Variants in RNF168 observed in about 807,000 individuals in gnomAD.
The protein encoded by RNF168 is E3 ubiquitin-protein ligase RNF168.
A neutral mutation model predicts 34.9 loss-of-function variants in RNF168; 34 were observed. That is an observed-to-expected ratio of 0.97 (90% CI 0.74 to 1.30). The LOEUF (loss-of-function observed/expected upper bound fraction) is 1.30. Among genes scored for constraint, RNF168 ranks in the 50% most tolerant of loss-of-function variants. The pLI is 0.00. For synonymous variants in RNF168, 264 were observed against 254.7 expected (o/e 1.04, Z -0.35); for missense variants, 725 against 682.5 (o/e 1.06, Z -0.69).
chr3:196,472,827 A>G, intron 5 of RNF168, 55 bp from the exon 6 acceptor site: 1 of 1,046,444 alleles, frequency 9.6e-7, no homozygotes, highest in East Asian at 2.4e-5. Context: ...AAATCATAAG[A>G]TGTAAGTCTA....
chr3:196,493,986 G>A (rs1732675181), intron 1 of RNF168, among the ~76,000 whole-genome samples: 1 of 150,906 alleles, frequency 6.6e-6, no homozygotes, highest in Non-Finnish European at 1.5e-5. Context: ...CCATGTAGCT[G>A]AGACTACAGG....
rs186549498 is a variant in RNF168 at position 196,484,425 on chromosome 3, C to T, written c.559-534G>A. 3.5e-3 allele frequency among the ~76,000 whole-genome samples: 527 copies of T among 150,178 alleles called. 5 individuals are homozygous for T. The highest frequency in any genetic ancestry group is 0.012 in the African/African-American group (488 of 40,866). On this transcript the variant is annotated intron_variant, in intron 3 of 5. Coordinates refer to ENST00000318037, the MANE Select transcript of RNF168 (RefSeq NM_152617.4). ...TCCTGACCTCATGATCTGCCTGCCT[C>T]GGCCTCCCAAAGTGCTGGGATTACA...
intron 2 of RNF168, among the ~76,000 whole-genome samples, chr3:196,487,898 A>G (rs193183754): frequency 9.5e-4 from 144 of 152,336 alleles, no homozygotes; most frequent in Admixed American, 2.7e-3. Context: ...TAATTAAAAC[A>G]TAATGCTTCA....
chr3:196,470,703 T>C lies in RNF168; in HGVS notation c.*1116A>G, dbSNP rs1458977311. 1 of 153,242 alleles carries C rather than the reference T, an allele frequency of 6.5e-6. No individual in the cohort carries two copies. The highest frequency in any genetic ancestry group is 1.9e-4 in the East Asian group (1 of 5,196). 9.5% of individuals were successfully genotyped at this position (153,242 alleles called of 1,614,324 possible). ...CTGTCAGTCACCCCATCCAGCCTCA[T>C]CTGGACCAGTTTCCGACGACCCAAT... On this transcript the variant is annotated 3_prime_UTR_variant, in exon 6 of 6. Transcript: ENST00000318037.
At chr3:196,493,788 C>T (rs1453415496) in intron 1 of RNF168, among the ~76,000 whole-genome samples, 2 of 151,752 alleles carry the variant, frequency 1.3e-5, no homozygotes, top group African/African-American at 4.8e-5. Flanking sequence ...TTCCAAAGTG[C>T]CAGGATTACA....
At chr3:196,475,084 T>C (rs2108645190) in intron 5 of RNF168, 147 bp downstream of exon 5, 1 of 623,588 alleles carries the variant, frequency 1.6e-6, no homozygotes, top group East Asian at 2.8e-5. Context: ...GAAAAAGTGC[T>C]TTTTCTCTAG....
At chr3:196,490,902 A>G (rs748149484) in intron 1 of RNF168, among the ~76,000 whole-genome samples, 121 of 152,380 alleles carry the variant, frequency 7.9e-4, no homozygotes, top group Non-Finnish European at 1.3e-3. Flanking sequence ...GTAGAAGGAT[A>G]ATCAGCTGGC....
chr3:196,495,724 T>C (rs1732725746), intron 1 of RNF168, among the ~76,000 whole-genome samples: 1 of 152,210 alleles, frequency 6.6e-6, no homozygotes, highest in South Asian at 2.1e-4. Context: ...TGTAAGATGA[T>C]ATTTTCAGAC....
chr3:196,480,303 TATGCTTATTACTTGGTTG>T (rs1732256193), intron 4 of RNF168, among the ~76,000 whole-genome samples: 2 of 152,336 alleles, frequency 1.3e-5, no homozygotes, highest in Non-Finnish European at 2.9e-5. Flanking sequence ...TGAAAGCCCA[TATGCTTATTACTTGGTTG>T]AAGGGAAAAG....
chr3:196,500,711 A>G (rs1051007540), intron 1 of RNF168, among the ~76,000 whole-genome samples: 2 of 151,950 alleles, frequency 1.3e-5, no homozygotes, highest in East Asian at 3.9e-4. Context: ...GCTATATTTT[A>G]CCACAATTTT....
chr3:196,503,597 G>A lies in RNF168; in HGVS notation c.-424C>T, dbSNP rs531906014. ...GGGACGCGGCTCCGGGAGGAAGCCC[G>A]GGCTCCGGCTGCAGCATAACTTCCG... On this transcript the variant is annotated 5_prime_UTR_variant, in exon 1 of 6. Transcript: ENST00000318037. The A allele has an allele frequency of 4.2e-6, 1 of 237,362 alleles. No homozygotes were observed. Among genetic ancestry groups the A allele is most frequent in the African/African-American group, 2.3e-5 (1 of 43,306 alleles). The allele number at this position is 237,362 out of a possible 1,614,324, so 14.7% of individuals were successfully genotyped here.
At chr3:196,499,168 T>C (rs1323856239) in intron 1 of RNF168, among the ~76,000 whole-genome samples, 1 of 151,074 alleles carries the variant, frequency 6.6e-6, no homozygotes, top group African/African-American at 2.4e-5. Flanking sequence ...ACTAGTGTCC[T>C]GGTAAAAAAA....
At position 196,488,607 on chromosome 3, in the gene RNF168, C is replaced by T; in HGVS notation, c.378G>A (p.Lys126=). Residue 126 remains lysine (K), a splice_region_variant and synonymous_variant, in exon 2 of 6, where the codon AAG becomes AAA. Coordinates refer to ENST00000318037, the MANE Select transcript of RNF168 (RefSeq NM_152617.4). ...LRREYEEEIS[K]VAAERRASEE... is the part of the protein sequence containing the mutation. ...AAAAAAAAAACTATTTAGCACCTAC[C>T]TTGCTTATTTCCTCTTCATATTCTC... is the stretch of plus-strand genomic sequence containing the variant. 1 of 1,574,752 alleles carries T rather than the reference C, an allele frequency of 6.4e-7. No individual in the cohort carries two copies. Among genetic ancestry groups the T allele is most frequent in the Non-Finnish European group, 8.7e-7 (1 of 1,145,320 alleles).
At chr3:196,487,647 A>G in intron 2 of RNF168, 69 bp from the exon 3 acceptor site, 4 of 1,399,650 alleles carry the variant, frequency 2.9e-6, no homozygotes, top group Non-Finnish European at 3.0e-6. Flanking sequence ...TTTCATAACA[A>G]GAATAGAAAA....
Position 196,502,897 on chromosome 3 carries a change from A to G in RNF168, c.277T>C (p.Ser93Pro). 1 of 1,614,168 alleles carries G rather than the reference A, an allele frequency of 6.2e-7. No homozygotes were observed. Among genetic ancestry groups the G allele is most frequent in the Non-Finnish European group, 8.5e-7 (1 of 1,179,998 alleles). The change falls in exon 1 of 6, where the codon TCT becomes CCT. Residue 93 changes from serine to proline, a missense_variant. Coordinates refer to ENST00000318037, the MANE Select transcript of RNF168 (RefSeq NM_152617.4). ...CCCACTTCCTCTGATTCTTGGCCAG[A>G]CGCTCTAAGCTTGCACTCCCTGGGA... ...HYPRECKLRA[S>P]GQESEEVADD...
At chr3:196,493,257 A>C (rs1732639652) in intron 1 of RNF168, among the ~76,000 whole-genome samples, 1 of 152,258 alleles carries the variant, frequency 6.6e-6, no homozygotes, top group African/African-American at 2.4e-5. Context: ...CCGTGGAATG[A>C]CAGATTTTTA....
At chr3:196,493,841 C>A (rs913834801) in intron 1 of RNF168, among the ~76,000 whole-genome samples, 1 of 146,740 alleles carries the variant, frequency 6.8e-6, no homozygotes, top group Non-Finnish European at 1.5e-5. Flanking sequence ...CTATTTCTTT[C>A]TTTTTTTAAA....
At chr3:196,499,180 AAG>A (rs1026686936) in intron 1 of RNF168, among the ~76,000 whole-genome samples, 12 of 152,256 alleles carry the variant, frequency 7.9e-5, no homozygotes, top group South Asian at 2.1e-4. Context: ...GTAAAAAAAA[AAG>A]AGAGAGACAC....
In RNF168 at chr3:196,503,342, C is replaced by T; in HGVS notation, c.-169G>A. The T allele has an allele frequency of 3.0e-6, 2 of 676,346 alleles. No individual in the cohort carries two copies. Among genetic ancestry groups the T allele is most frequent in the Admixed American group, 4.7e-5 (2 of 42,464 alleles). The allele number at this position is 676,346 out of a possible 1,614,324, so 41.9% of individuals were successfully genotyped here. On this transcript the variant is annotated 5_prime_UTR_variant, in exon 1 of 6. Transcript: ENST00000318037. ...TCCAACACGTCTTGAAGCAAAAAGG[C>T]GCTCTCAGGGTCAGGCAAACAGGAA...
Sources: gnomAD v4.1 joint callset for allele counts (sites outside exome capture counted in the v4.1 genomes callset) on GRCh38, gnomAD v4.1.1 for gene constraint, MANE v1.5 for transcripts, NCBI Gene and HGNC (gene_info 2026-07-23, HGNC 2026-07-21) for gene names.